Variants in SLC39A10 observed in about 807,000 individuals in gnomAD.
SLC39A10 encodes zinc transporter ZIP10.
A neutral mutation model predicts 65.1 loss-of-function variants in SLC39A10; 13 were observed. The observed-to-expected ratio is 0.20, with a 90% CI of 0.13 to 0.32. The LOEUF (loss-of-function observed/expected upper bound fraction) is 0.32, where lower values mean the gene tolerates loss of function less well. SLC39A10 is among the 10% of genes least tolerant of loss of function. The pLI, the probability that SLC39A10 is intolerant of heterozygous loss-of-function variation, is 1.00. For missense variants in SLC39A10, 831 were observed against 1,018.4 expected (o/e 0.82, Z 2.50); for synonymous variants, 321 against 342.2 (o/e 0.94, Z 0.68).
chr2:195,689,082 T>C (rs1471219342), intron 3 of SLC39A10, among the ~76,000 whole-genome samples: 7 of 152,160 alleles, frequency 4.6e-5, no homozygotes, highest in Admixed American at 4.6e-4. Flanking sequence ...CTGAAAAGAC[T>C]GTGATGATTT....
chr2:195,620,019 C>T (rs1413599305), intron 2 of SLC39A10, among the ~76,000 whole-genome samples: 1 of 152,152 alleles, frequency 6.6e-6, no homozygotes, highest in South Asian at 2.1e-4. Context: ...GCCTCCCGGG[C>T]TCAAGCGATT....
At chr2:195,614,092 G>T (rs970428540) in intron 2 of SLC39A10, among the ~76,000 whole-genome samples, 1 of 152,096 alleles carries the variant, frequency 6.6e-6, no homozygotes, top group Non-Finnish European at 1.5e-5. Context: ...TATCTTGTGA[G>T]ATCATTCATT....
chr2:195,663,744 CAG>C (rs529829485), intron 1 of SLC39A10, among the ~76,000 whole-genome samples: 57 of 145,378 alleles, frequency 3.9e-4, no homozygotes, highest in African/African-American at 9.8e-4. Context: ...TATATTAAAA[CAG>C]AAAAAAGATT....
intron 2 of SLC39A10, among the ~76,000 whole-genome samples, chr2:195,625,404 T>C (rs894505429): frequency 6.6e-5 from 10 of 151,274 alleles, no homozygotes; most frequent in Non-Finnish European, 1.3e-4. Flanking sequence ...GTCTCCCGAG[T>C]AGCTGGAATT....
intron 2 of SLC39A10, among the ~76,000 whole-genome samples, chr2:195,626,046 A>G (rs1229776930): frequency 1.3e-5 from 2 of 152,190 alleles, no homozygotes; most frequent in Admixed American, 1.3e-4. Context: ...GGACTCCCGA[A>G]GTGCTGGAAT....
intron 8 of SLC39A10, among the ~76,000 whole-genome samples, chr2:195,720,826 C>T (rs1463620569): frequency 6.6e-6 from 1 of 152,138 alleles, no homozygotes; most frequent in Non-Finnish European, 1.5e-5. Flanking sequence ...CTTTATATCT[C>T]TGGTTTTATT....
At chr2:195,720,958 C>T (rs562840979) in intron 8 of SLC39A10, among the ~76,000 whole-genome samples, 27 of 152,132 alleles carry the variant, frequency 1.8e-4, no homozygotes, top group African/African-American at 6.3e-4. Flanking sequence ...TTTTTTCCCC[C>T]TGTAACAGGG....
At chr2:195,690,390 T>C (rs1038489357) in intron 3 of SLC39A10, among the ~76,000 whole-genome samples, 1 of 152,142 alleles carries the variant, frequency 6.6e-6, no homozygotes, top group African/African-American at 2.4e-5. Flanking sequence ...CTTTTGGTTA[T>C]ATACCCAGAA....
chr2:195,710,498 C>A (rs2105816735), intron 5 of SLC39A10, among the ~76,000 whole-genome samples: 1 of 152,114 alleles, frequency 6.6e-6, no homozygotes, highest in South Asian at 2.1e-4. Flanking sequence ...GTATATATTC[C>A]TTTCATGATT....
chr2:195,632,614 C>G (rs916981772), intron 2 of SLC39A10, among the ~76,000 whole-genome samples: 2 of 152,104 alleles, frequency 1.3e-5, no homozygotes, highest in African/African-American at 4.8e-5. Flanking sequence ...GGCTCTACTT[C>G]CTTTTAAACA....
intron 2 of SLC39A10, among the ~76,000 whole-genome samples, chr2:195,631,251 G>A (rs1688580173): frequency 1.3e-5 from 2 of 151,600 alleles, no homozygotes; most frequent in African/African-American, 4.8e-5. Flanking sequence ...GAGCTAGAGA[G>A]TTACAAATAT....
intron 1 of SLC39A10, among the ~76,000 whole-genome samples, chr2:195,659,498 C>T (rs985030376): frequency 1.3e-5 from 2 of 152,134 alleles, no homozygotes; most frequent in African/African-American, 4.8e-5. Context: ...AAGGAAAATT[C>T]AGCATCTGGG....
chr2:195,621,017 G>T (rs1271138285), intron 2 of SLC39A10, among the ~76,000 whole-genome samples: 3 of 151,972 alleles, frequency 2.0e-5, no homozygotes, highest in Non-Finnish European at 4.4e-5. Flanking sequence ...ATAAATAGAG[G>T]GTTCAAGAGT....
rs913420957 is a variant in SLC39A10, at chr2:195,633,941, C to T, written c.-12+27708C>T. ...GCTTTTCGGCTTGAGGGTGGGGCTT[C>T]GCCAGGGACCCTGCCCTTTTCTGCC... is the stretch of plus-strand genomic sequence containing the variant. On this transcript the variant is annotated intron_variant, in intron 2 of 2. Coordinates refer to the SLC39A10 transcript ENST00000458054. Among the ~76,000 whole-genome samples, 7 of 152,310 alleles carry T rather than the reference C, an allele frequency of 4.6e-5. 1 individual carries two copies. The highest frequency in any genetic ancestry group is 2.0e-4 in the Admixed American group (3 of 15,294).
chr2:195,719,640 CAG>C (rs1491247994), intron 8 of SLC39A10, among the ~76,000 whole-genome samples: 2 of 150,182 alleles, frequency 1.3e-5, no homozygotes, highest in African/African-American at 4.9e-5. Context: ...TTCTTTGAGA[CAG>C]AGTCTTCCTC....
chr2:195,676,748 T>C (rs923152426), intron 1 of SLC39A10, among the ~76,000 whole-genome samples: 1 of 152,232 alleles, frequency 6.6e-6, no homozygotes, highest in East Asian at 1.9e-4. Flanking sequence ...ATTGTCTTGA[T>C]TGTCCTTGGG....
At chr2:195,721,816 T>C (rs922136934) in intron 8 of SLC39A10, among the ~76,000 whole-genome samples, 1 of 152,222 alleles carries the variant, frequency 6.6e-6, no homozygotes, top group Non-Finnish European at 1.5e-5. Flanking sequence ...TTCCTGTTCA[T>C]CTACCCACTA....
At chr2:195,707,591 C>CTT (rs36110330) in intron 4 of SLC39A10, among the ~76,000 whole-genome samples, 1 of 145,238 alleles carries the variant, frequency 6.9e-6, no homozygotes. Flanking sequence ...TATGGCATTG[C>CTT]TTTTTTTTTT....
At chr2:195,659,267 G>A (rs145637190) in intron 1 of SLC39A10, among the ~76,000 whole-genome samples, 1 of 152,244 alleles carries the variant, frequency 6.6e-6, no homozygotes, top group Non-Finnish European at 1.5e-5. Context: ...GACCTCATAG[G>A]AAATGACATC....
Sources: gnomAD v4.1 joint callset for allele counts (sites outside exome capture counted in the v4.1 genomes callset) on GRCh38, gnomAD v4.1.1 for gene constraint, MANE v1.5 for transcripts, NCBI Gene and HGNC (gene_info 2026-07-23, HGNC 2026-07-21) for gene names.